Variants in COL25A1 observed in about 807,000 individuals in gnomAD.
COL25A1 encodes the protein collagen type XXV alpha 1 chain, also known as collagen alpha-1(XXV) chain.
In COL25A1, 103 loss-of-function variants were observed where a neutral mutation model predicts 128.4. The ratio of observed to expected loss-of-function variants is 0.80; its 90% CI spans 0.68 to 0.94. The LOEUF is 0.94. Ranked by LOEUF, COL25A1 falls within the 40% of genes least tolerant of loss-of-function variation. COL25A1 has a pLI of 0.00. For synonymous variants in COL25A1, 279 were observed against 277.2 expected, an observed-to-expected ratio of 1.01 and a Z score of -0.06; for missense variants, 745 against 840.0, an observed-to-expected ratio of 0.89 and a Z score of 1.40.
intron 3 of COL25A1, among the ~76,000 whole-genome samples, chr4:109,161,181 G>A (rs912255967): frequency 2.0e-5 from 3 of 152,088 alleles, no homozygotes; most frequent in Non-Finnish European, 4.4e-5. Context: ...ACTAGAACCA[G>A]GGGAAATTTT....
intron 3 of COL25A1, among the ~76,000 whole-genome samples, chr4:109,209,832 C>A (rs1777350308): frequency 6.6e-6 from 1 of 152,000 alleles, no homozygotes; most frequent in Non-Finnish European, 1.5e-5. Context: ...CTGGGCGGAT[C>A]ATTTGAGGTC....
rs1459823631 is a variant in COL25A1, at chr4:108,811,264, G to C, written c.*2663C>G. 2 of 152,002 alleles carry C rather than the reference G, an allele frequency of 1.3e-5. No homozygotes were observed. Among genetic ancestry groups the C allele is most frequent in the Non-Finnish European group, 2.9e-5 (2 of 67,930 alleles). The allele number at this position is 152,002 out of a possible 1,614,324, so 9.4% of individuals were successfully genotyped here. A position where few individuals can be genotyped will look rare whatever the true frequency, so the allele number is the denominator to read the frequency against. ...ACCTAGCAATTCCACTGAACAAGGA[G>C]GAGTATTTCCATCCCTTTGTTTTTC... On this transcript the variant is annotated 3_prime_UTR_variant, in exon 38 of 38. Transcript: ENST00000399132.
chr4:108,884,833 T>C (rs1189615226), intron 18 of COL25A1, among the ~76,000 whole-genome samples: 2 of 152,244 alleles, frequency 1.3e-5, no homozygotes, highest in Non-Finnish European at 2.9e-5. Flanking sequence ...TTAGGGCTAA[T>C]GGTACTATGC....
At chr4:108,827,603 T>C (rs28493254) in intron 32 of COL25A1, among the ~76,000 whole-genome samples, 5,943 of 152,248 alleles carry the variant, frequency 0.039, 368 homozygotes, top group African/African-American at 0.13. Context: ...CATGGCTCAC[T>C]GAAACCTTAA....
intron 3 of COL25A1, among the ~76,000 whole-genome samples, chr4:109,110,019 C>T (rs1766850245): frequency 6.6e-6 from 1 of 152,128 alleles, no homozygotes; most frequent in Non-Finnish European, 1.5e-5. Flanking sequence ...AAAATACAAA[C>T]ACCAGGATTG....
intron 28 of COL25A1, among the ~76,000 whole-genome samples, chr4:108,845,646 G>A (rs1384563147): frequency 6.6e-6 from 1 of 152,124 alleles, no homozygotes; most frequent in Non-Finnish European, 1.5e-5. Context: ...TAAGGCAGTG[G>A]AGTTTACTGC....
chr4:108,943,816 C>CT (rs1248187013), intron 8 of COL25A1, among the ~76,000 whole-genome samples: 1 of 116,156 alleles, frequency 8.6e-6, no homozygotes, highest in African/African-American at 3.9e-5. Context: ...CCTTTTATTC[C>CT]TTTTTTTCAA....
intron 3 of COL25A1, among the ~76,000 whole-genome samples, chr4:109,223,566 G>A (rs749843357): frequency 2.0e-5 from 3 of 152,038 alleles, no homozygotes; most frequent in Non-Finnish European, 4.4e-5. Context: ...GAAAGTGAGT[G>A]GGGACATCTC....
intron 8 of COL25A1, 32 bp from the exon 9 acceptor site, chr4:108,941,469 T>A: frequency 6.5e-7 from 1 of 1,531,128 alleles, no homozygotes; most frequent in Non-Finnish European, 9.1e-7. Flanking sequence ...AAGGTTGAAG[T>A]TCAGAGATGA....
At chr4:108,827,259 T>C in intron 32 of COL25A1, 71 bp from the exon 33 acceptor site, 2 of 1,281,868 alleles carry the variant, frequency 1.6e-6, no homozygotes, top group Non-Finnish European at 1.1e-6. Context: ...TCATGCCCTA[T>C]GTCTAAAGCC....
intron 6 of COL25A1, among the ~76,000 whole-genome samples, chr4:108,988,283 T>G (rs1308206196): frequency 6.6e-6 from 1 of 152,204 alleles, no homozygotes. Flanking sequence ...ATAAATACAT[T>G]AGCATATTTT....
intron 3 of COL25A1, among the ~76,000 whole-genome samples, chr4:109,142,039 T>C (rs978586412): frequency 1.3e-5 from 2 of 152,246 alleles, no homozygotes; most frequent in Non-Finnish European, 2.9e-5. Flanking sequence ...TTTTAGATCT[T>C]TCCCACTTTC....
intron 5 of COL25A1, among the ~76,000 whole-genome samples, chr4:109,038,652 T>C (rs1759577369): frequency 6.6e-6 from 1 of 152,242 alleles, no homozygotes. Context: ...ATGAGCATTT[T>C]TGGATACAAT....
chr4:109,030,036 C>A (rs147553952), intron 5 of COL25A1, among the ~76,000 whole-genome samples: 158 of 152,234 alleles, frequency 1.0e-3, no homozygotes, highest in African/African-American at 3.5e-3. Flanking sequence ...TTCTCCACAC[C>A]TCCTGCTCCT....
intron 5 of COL25A1, among the ~76,000 whole-genome samples, chr4:109,028,037 T>C (rs775957073): frequency 6.6e-6 from 1 of 152,212 alleles, no homozygotes; most frequent in Non-Finnish European, 1.5e-5. Context: ...CATGAGATTA[T>C]ATGAGATCAT....
At chr4:109,116,600 T>C (rs1560719590) in intron 3 of COL25A1, among the ~76,000 whole-genome samples, 1 of 151,888 alleles carries the variant, frequency 6.6e-6, no homozygotes, top group Non-Finnish European at 1.5e-5. Flanking sequence ...CATGCCCACC[T>C]CTCAAAAGTG....
chr4:109,125,637 G>A (rs1417382246), intron 3 of COL25A1, among the ~76,000 whole-genome samples: 1 of 152,086 alleles, frequency 6.6e-6, no homozygotes, highest in African/African-American at 2.4e-5. Flanking sequence ...AGCAGTTGAT[G>A]GAACAGTTAT....
chr4:108,925,265 A>G (rs997387144), intron 11 of COL25A1, among the ~76,000 whole-genome samples: 2 of 152,160 alleles, frequency 1.3e-5, no homozygotes, highest in African/African-American at 4.8e-5. Context: ...CAAATAAAAT[A>G]TAAAATTGTG....
At chr4:109,072,511 T>A (rs1220287817) in intron 3 of COL25A1, among the ~76,000 whole-genome samples, 3 of 152,208 alleles carry the variant, frequency 2.0e-5, no homozygotes, top group African/African-American at 7.2e-5. Context: ...TGTAACTCAG[T>A]CATATCACAG....
Sources: allele counts gnomAD v4.1 joint callset (sites outside exome capture counted in the v4.1 genomes callset), GRCh38; gene constraint gnomAD v4.1.1; transcripts MANE v1.5; gene names NCBI Gene and HGNC (gene_info 2026-07-23, HGNC 2026-07-21).